The following CSMD2 variants were observed in gnomAD, a reference collection of about 807,000 sequenced individuals.
CSMD2 encodes CUB and sushi domain-containing protein 2.
CSMD2 carries 130 observed loss-of-function variants against 398.5 expected under a neutral mutation model. That is an observed-to-expected ratio of 0.33 (90% CI 0.28 to 0.38). The LOEUF (loss-of-function observed/expected upper bound fraction) is 0.38. Ranked by LOEUF, CSMD2 falls within the 10% of genes least tolerant of loss-of-function variation. The pLI is 1.00. For synonymous variants in CSMD2, 1,828 were observed against 1,908.5 expected, an observed-to-expected ratio of 0.96 and a Z score of 1.10; for missense variants, 3,829 against 4,764.9, an observed-to-expected ratio of 0.80 and a Z score of 5.78.
At chr1:33,829,323 A>T (rs1386622404) in intron 6 of CSMD2, among the ~76,000 whole-genome samples, 2 of 152,216 alleles carry the variant, frequency 1.3e-5, no homozygotes, top group Non-Finnish European at 2.9e-5. Context: ...CAAGATCCAC[A>T]TCACCAGGAA....
chr1:33,819,888 C>A (rs759423799), intron 8 of CSMD2, 51 bp from the exon 9 acceptor site: 1 of 1,604,384 alleles, frequency 6.2e-7, no homozygotes, highest in Non-Finnish European at 8.5e-7. Context: ...TGCCAAGCCC[C>A]GCCCCAAGTC....
At chr1:34,039,459 A>G (rs1651574043) in intron 2 of CSMD2, among the ~76,000 whole-genome samples, 1 of 152,196 alleles carries the variant, frequency 6.6e-6, no homozygotes, top group Non-Finnish European at 1.5e-5. Flanking sequence ...AGCCATTTCA[A>G]TTTGAGGGTT....
Position 33,739,148 on chromosome 1 carries a change from C to T in CSMD2, c.2360G>A (p.Arg787Gln), listed in dbSNP as rs771665223. Reference sequence around the variant, plus strand: ...AGCCTGCAGGCTCGTACCTTCACACCGCAGCACAGCGCTGTTCCAGACCAC... The same window carrying T: ...AGCCTGCAGGCTCGTACCTTCACACTGCAGCACAGCGCTGTTCCAGACCAC... ...GSVVWNSAVL[R>Q]CEAPCGGHLT... Residue 787 changes from arginine (R) to glutamine (Q), a missense_variant, in exon 15 of 71, where the codon CGG becomes CAG. By Grantham distance (43) the Arg-to-Gln change is conservative. Coordinates refer to ENST00000373381, the MANE Select transcript of CSMD2 (RefSeq NM_001281956.2). 2.4e-5 allele frequency: 39 copies of T among 1,612,510 alleles called. No individual in the cohort carries two copies. Among genetic ancestry groups the T allele is most frequent in the African/African-American group, 9.4e-5 (7 of 74,866 alleles).
intron 66 of CSMD2, among the ~76,000 whole-genome samples, chr1:33,524,421 C>G (rs1255462377): frequency 6.6e-6 from 1 of 152,130 alleles, no homozygotes; most frequent in Non-Finnish European, 1.5e-5. Flanking sequence ...CAGAATGGTA[C>G]CATTTTAGAA....
chr1:33,643,912 AGG>A, intron 29 of CSMD2, among the ~76,000 whole-genome samples: 1 of 149,592 alleles, frequency 6.7e-6, no homozygotes, highest in Non-Finnish European at 1.5e-5. Flanking sequence ...GAAGGAAGGA[AGG>A]AAGGAAGGAA....
intron 13 of CSMD2, among the ~76,000 whole-genome samples, chr1:33,763,183 C>A (rs1220004931): frequency 6.6e-6 from 1 of 152,168 alleles, no homozygotes; most frequent in African/African-American, 2.4e-5. Context: ...AGAGCTCAAG[C>A]CTTCCCATTA....
At chr1:33,567,526 A>G in intron 53 of CSMD2, 67 bp downstream of exon 53, 1 of 1,498,024 alleles carries the variant, frequency 6.7e-7, no homozygotes. Context: ...AATCTAATTA[A>G]GAGACAGGGA....
rs145659443 is a variant in CSMD2 at position 34,089,087 on chromosome 1, C to G, written c.294G>C (p.Ala98=). 2.0e-5 allele frequency: 32 copies of G among 1,614,056 alleles called. No homozygotes were observed. In the Middle Eastern group the frequency reaches 6.6e-4, roughly 33 times the overall value. ...NYANCTWTIT[A]EEQHRIQLVF... ...CAAGCTGGATTCTGTGCTGCTCTTC[C>G]GCGGTGATGGTCCACGTGCAGTTGG... is the stretch of plus-strand genomic sequence containing the variant. The change falls in exon 2 of 71, where the codon GCG becomes GCC. Residue 98 remains alanine, a synonymous_variant. Transcript: ENST00000373381.
chr1:34,029,099 C>T (rs187641315), intron 3 of CSMD2, among the ~76,000 whole-genome samples: 11 of 152,242 alleles, frequency 7.2e-5, no homozygotes, highest in African/African-American at 1.4e-4. Context: ...CATTTTGAAA[C>T]GGACACAACA....
At chr1:33,544,117 T>G (rs1656627942) in intron 57 of CSMD2, among the ~76,000 whole-genome samples, 1 of 147,394 alleles carries the variant, frequency 6.8e-6, no homozygotes, top group African/African-American at 2.5e-5. Context: ...TTTTTTTTTT[T>G]TTTTTTTGAG....
In CSMD2 at chr1:33,606,701, C is replaced by CA. The variant is rs536932017; in HGVS notation, c.6344-1232dup. 5.9e-5 allele frequency among the ~76,000 whole-genome samples: 9 copies of CA among 152,280 alleles called. No individual in the cohort carries two copies. The South Asian group carries it at 1.9e-3, about 32-fold the overall frequency. On this transcript the variant is annotated intron_variant, in intron 41 of 70. Transcript: ENST00000373381. ...AAGGCTCAGGGTAGCCACGTGGACT[C>CA]AGAGACGGGGAGAGAAGGAAGGGAG...
At chr1:33,828,389 G>T (rs1401644279) in intron 6 of CSMD2, among the ~76,000 whole-genome samples, 1 of 152,204 alleles carries the variant, frequency 6.6e-6, no homozygotes, top group Non-Finnish European at 1.5e-5. Context: ...CAGCATCAGG[G>T]CAGCAGTGGG....
chr1:33,808,340 A>C (rs1656465373), intron 10 of CSMD2, among the ~76,000 whole-genome samples: 1 of 152,032 alleles, frequency 6.6e-6, no homozygotes, highest in Admixed American at 6.6e-5. Flanking sequence ...CCTACACAGA[A>C]TCTATGTGAA....
chr1:33,788,725 A>T lies in CSMD2; in HGVS notation c.1551-13T>A. 6.7e-7 allele frequency: 1 copy of T among 1,486,570 alleles called. No homozygotes were observed. Among genetic ancestry groups the T allele is most frequent in the East Asian group, 2.3e-5 (1 of 44,244 alleles). 92.1% of individuals were successfully genotyped at this position (1,486,570 alleles called of 1,614,324 possible). A position where few individuals can be genotyped will look rare whatever the true frequency, so the allele number is the denominator to read the frequency against. Reference sequence around the variant, plus strand: ...TGTACCTGTCAGGCTGGCAGGAGAGAGATATTTAGAGGTGTGCTCTCCACC... The same window carrying T: ...TGTACCTGTCAGGCTGGCAGGAGAGTGATATTTAGAGGTGTGCTCTCCACC... On this transcript the variant is annotated splice_polypyrimidine_tract_variant and intron_variant, in intron 11 of 70. Transcript: ENST00000373381.
intron 25 of CSMD2, among the ~76,000 whole-genome samples, chr1:33,665,776 C>T (rs778773938): frequency 2.0e-5 from 3 of 152,074 alleles, no homozygotes; most frequent in Non-Finnish European, 4.4e-5. Context: ...CAAATTGACA[C>T]TCAATTCTCC....
chr1:33,689,421 C>T (rs1259173529), intron 25 of CSMD2, among the ~76,000 whole-genome samples: 2 of 152,162 alleles, frequency 1.3e-5, no homozygotes, highest in Admixed American at 1.3e-4. Flanking sequence ...GGATCCTCAG[C>T]ATGCCCCCCA....
intron 27 of CSMD2, among the ~76,000 whole-genome samples, chr1:33,654,482 T>A (rs2148975286): frequency 6.6e-6 from 1 of 152,238 alleles, no homozygotes; most frequent in Admixed American, 6.5e-5. Context: ...AGAGCACAGT[T>A]GTTGCAGGAG....
intron 2 of CSMD2, among the ~76,000 whole-genome samples, chr1:34,052,508 T>TGC (rs1653317211): frequency 6.7e-6 from 1 of 150,232 alleles, no homozygotes; most frequent in Non-Finnish European, 1.5e-5. Context: ...TGTGTGTGTG[T>TGC]GTGTGTGTGT....
At chr1:33,996,857 A>G (rs1269058046) in intron 3 of CSMD2, among the ~76,000 whole-genome samples, 3 of 152,070 alleles carry the variant, frequency 2.0e-5, no homozygotes, top group Admixed American at 2.0e-4. Context: ...CAGAAAGGAG[A>G]AAAAAGGGAC....
Sources: gnomAD v4.1 joint callset for allele counts (sites outside exome capture counted in the v4.1 genomes callset) on GRCh38, gnomAD v4.1.1 for gene constraint, MANE v1.5 for transcripts, NCBI Gene and HGNC (gene_info 2026-07-23, HGNC 2026-07-21) for gene names.